COBL: variants seen among roughly 807,000 people sequenced by gnomAD.
COBL encodes the protein cordon-bleu WH2 repeat protein, also known as protein cordon-bleu.
In COBL, 51 loss-of-function variants were observed where a neutral mutation model predicts 98.8. That is an observed-to-expected ratio of 0.52 (90% CI 0.41 to 0.65). The LOEUF (loss-of-function observed/expected upper bound fraction) is 0.65. Among genes scored for constraint, COBL ranks in the 30% least tolerant of loss-of-function variants. COBL has a pLI of 0.00. For synonymous variants in COBL, 634 were observed against 651.7 expected (o/e 0.97, Z 0.41); for missense variants, 1,617 against 1,617.5 (o/e 1.00, Z 0.01).
intron 7 of COBL, among the ~76,000 whole-genome samples, chr7:51,063,380 C>T (rs1791582060): frequency 6.6e-6 from 1 of 152,360 alleles, no homozygotes; most frequent in Admixed American, 6.5e-5. Context: ...GGTGATCCGC[C>T]TGCCTCGGCC....
rs75863606 is a variant in COBL at position 51,215,686 on chromosome 7, G to C, written c.245+4055C>G. ...CTACTCAACAGTGCATGGCAGCAAA[G>C]CTGTCCTCTCGAAAGTTACTTCCTT... On this transcript the variant is annotated intron_variant, in intron 2 of 12. Transcript: ENST00000265136. 9.1e-3 allele frequency among the ~76,000 whole-genome samples: 1,394 copies of C among 152,372 alleles called. 18 individuals are homozygous for C. Among genetic ancestry groups the C allele is most frequent in the African/African-American group, 0.032 (1,314 of 41,590 alleles).
chr7:51,188,339 T>C (rs1162288658), intron 4 of COBL, among the ~76,000 whole-genome samples: 1 of 152,216 alleles, frequency 6.6e-6, no homozygotes, highest in African/African-American at 2.4e-5. Context: ...GGATTGAAAG[T>C]AAGGGCTCCT....
At chr7:51,065,913 A>G (rs1791877754) in intron 7 of COBL, among the ~76,000 whole-genome samples, 1 of 152,206 alleles carries the variant, frequency 6.6e-6, no homozygotes, top group Admixed American at 6.5e-5. Flanking sequence ...CAACAAGGGA[A>G]GACCCAGGGA....
intron 1 of COBL, among the ~76,000 whole-genome samples, chr7:51,221,641 G>A (rs1243543206): frequency 6.6e-6 from 1 of 152,146 alleles, no homozygotes; most frequent in Non-Finnish European, 1.5e-5. Context: ...TTATAGCAAT[G>A]GATCATATAG....
chr7:51,053,891 A>C (rs1266031583), intron 7 of COBL, among the ~76,000 whole-genome samples: 1 of 152,252 alleles, frequency 6.6e-6, no homozygotes, highest in Non-Finnish European at 1.5e-5. Flanking sequence ...AAATTACAAC[A>C]TAAAAAGGGC....
intron 7 of COBL, among the ~76,000 whole-genome samples, chr7:51,074,319 C>T (rs564483024): frequency 3.3e-4 from 50 of 150,964 alleles, no homozygotes; most frequent in Non-Finnish European, 8.8e-5. Context: ...CCTTTGCCTC[C>T]AGAGTAGCTG....
At chr7:51,311,021 T>G (rs1404057800) in intron 1 of COBL, among the ~76,000 whole-genome samples, 1 of 152,128 alleles carries the variant, frequency 6.6e-6, no homozygotes, top group Non-Finnish European at 1.5e-5. Context: ...ATTGATGTCC[T>G]TTTTACAGGC....
chr7:51,236,223 G>C (rs150964625), intron 1 of COBL, among the ~76,000 whole-genome samples: 1 of 152,304 alleles, frequency 6.6e-6, no homozygotes. Context: ...GACAATCTAA[G>C]AAATGGAAAA....
chr7:51,060,772 T>G (rs1371422795), intron 7 of COBL, among the ~76,000 whole-genome samples: 3 of 152,156 alleles, frequency 2.0e-5, no homozygotes, highest in African/African-American at 4.8e-5. Flanking sequence ...GGCACAACAA[T>G]GATTCCACCG....
chr7:51,175,862 G>C (rs1788317712), intron 5 of COBL, among the ~76,000 whole-genome samples: 1 of 152,206 alleles, frequency 6.6e-6, no homozygotes, highest in Non-Finnish European at 1.5e-5. Flanking sequence ...TGGGCTCAGA[G>C]ACAGCAGTGC....
chr7:51,127,538 G>A (rs1247180455), intron 6 of COBL, among the ~76,000 whole-genome samples: 2 of 152,200 alleles, frequency 1.3e-5, no homozygotes, highest in African/African-American at 4.8e-5. Flanking sequence ...ATGAGGTCGG[G>A]GAAAGGATGT....
chr7:51,050,650 C>T lies in COBL; in HGVS notation c.1097-6958G>A, dbSNP rs193061603. 2.0e-5 allele frequency among the ~76,000 whole-genome samples: 3 copies of T among 152,308 alleles called. No homozygotes were observed. The East Asian group carries it at 5.8e-4, about 29-fold the overall frequency. ...CGGGCTGGAATAAATGGATTGGGTA[C>T]AAGTTTTGGATAAATGGCTGCCATT... is the stretch of plus-strand genomic sequence containing the variant. On this transcript the variant is annotated intron_variant, in intron 7 of 12. Transcript: ENST00000265136.
At chr7:51,218,793 CCTT>C (rs1793342005) in intron 2 of COBL, among the ~76,000 whole-genome samples, 1 of 152,166 alleles carries the variant, frequency 6.6e-6, no homozygotes, top group East Asian at 1.9e-4. Context: ...TTCTTATTCT[CCTT>C]GTTTTCTTAT....
chr7:51,193,533 G>A lies in COBL; in HGVS notation c.302C>T (p.Ser101Phe). 1 of 1,614,176 alleles carries A rather than the reference G, an allele frequency of 6.2e-7. No homozygotes were observed. The highest frequency in any genetic ancestry group is 8.5e-7 in the Non-Finnish European group (1 of 1,180,036). Residue 101 changes from serine to phenylalanine, a missense_variant, in exon 3 of 13, where the codon TCC becomes TTC. This residue lies in a region of COBL where 238 missense variants were observed against 215.0 expected (regional missense o/e 1.11). Transcript: ENST00000265136. Reference protein sequence around the residue: ...ELCLQNHLNPSHHALEIRSSE... With the variant: ...ELCLQNHLNPFHHALEIRSSE... ...AGACCGAATTTCAAGGGCATGGTGG[G>A]ATGGATTCAGGTGGTTCTGAAGGCA...
chr7:51,315,009 T>G (rs1803400678), intron 1 of COBL, among the ~76,000 whole-genome samples: 1 of 152,210 alleles, frequency 6.6e-6, no homozygotes, highest in Admixed American at 6.5e-5. Flanking sequence ...GATACAGTTT[T>G]GCCGGCCTTT....
At chr7:51,120,658 G>A (rs1302875523) in intron 6 of COBL, among the ~76,000 whole-genome samples, 1 of 151,934 alleles carries the variant, frequency 6.6e-6, no homozygotes, top group Non-Finnish European at 1.5e-5. Context: ...CCAGGCCCTG[G>A]CAACCATCAT....
chr7:51,107,084 G>GTTTTTTTTTTTTTT (rs202161212), intron 6 of COBL, among the ~76,000 whole-genome samples: 1 of 109,312 alleles, frequency 9.1e-6, no homozygotes, highest in African/African-American at 3.4e-5. Flanking sequence ...TGTGATCCTA[G>GTTTTTTTTTTTTTT]TTTGTTTGTT....
chr7:51,109,583 A>G (rs146893818), intron 6 of COBL, among the ~76,000 whole-genome samples: 2 of 151,856 alleles, frequency 1.3e-5, no homozygotes, highest in Non-Finnish European at 2.9e-5. Flanking sequence ...AGTTATCTTA[A>G]ATGCTTCTTC....
chr7:51,262,705 C>T (rs565764645), intron 1 of COBL, among the ~76,000 whole-genome samples: 1 of 152,338 alleles, frequency 6.6e-6, no homozygotes, highest in East Asian at 1.9e-4. Context: ...TGTGTGAAGA[C>T]ATGCCAGTAT....
Sources: allele counts gnomAD v4.1 joint callset (sites outside exome capture counted in the v4.1 genomes callset), GRCh38; gene constraint gnomAD v4.1.1; regional missense constraint gnomAD v4.1.1; transcripts MANE v1.5; gene names NCBI Gene and HGNC (gene_info 2026-07-23, HGNC 2026-07-21).